The following PSMD1 variants were observed in gnomAD, a reference collection of about 807,000 sequenced individuals.
PSMD1 encodes 26S proteasome non-ATPase regulatory subunit 1.
A neutral mutation model predicts 119.0 loss-of-function variants in PSMD1; 18 were observed. The ratio of observed to expected loss-of-function variants is 0.15; its 90% CI spans 0.10 to 0.22. The LOEUF is 0.22. Ranked by LOEUF, PSMD1 falls within the 10% of genes least tolerant of loss-of-function variation. The pLI is 1.00. For synonymous variants in PSMD1, 374 were observed against 396.6 expected, an observed-to-expected ratio of 0.94 and a Z score of 0.68; for missense variants, 702 against 1,158.5, an observed-to-expected ratio of 0.61 and a Z score of 5.72.
intron 16 of PSMD1, among the ~76,000 whole-genome samples, chr2:231,122,790 T>TA (rs1315441756): frequency 6.6e-6 from 1 of 152,050 alleles, no homozygotes; most frequent in East Asian, 1.9e-4. Flanking sequence ...CCATATATCA[T>TA]AAAAAAATTG....
intron 23 of PSMD1, among the ~76,000 whole-genome samples, chr2:231,168,992 C>A (rs556929534): frequency 9.9e-5 from 15 of 152,270 alleles, no homozygotes; most frequent in Non-Finnish European, 1.6e-4. Context: ...TTGCCTATAT[C>A]TACAGTTGTA....
chr2:231,157,430 CT>C (rs756874279), intron 19 of PSMD1, among the ~76,000 whole-genome samples: 172 of 128,858 alleles, frequency 1.3e-3, no homozygotes, highest in East Asian at 3.5e-3. Context: ...TTTTCTTTTT[CT>C]TTTTTTTTTT....
intron 16 of PSMD1, chr2:231,113,626 A>G (rs900570118): frequency 4.1e-6 from 4 of 982,050 alleles, no homozygotes; most frequent in Non-Finnish European, 6.6e-6. Context: ...GGCTGGCTTG[A>G]CCTCTCATGC....
At chr2:231,124,335 G>A (rs1006228293) in intron 16 of PSMD1, among the ~76,000 whole-genome samples, 1 of 152,096 alleles carries the variant, frequency 6.6e-6, no homozygotes, top group Non-Finnish European at 1.5e-5. Context: ...ATAATAAAAA[G>A]TTAGGTGTTT....
chr2:231,132,205 G>A (rs924395375), intron 16 of PSMD1, among the ~76,000 whole-genome samples: 1 of 152,168 alleles, frequency 6.6e-6, no homozygotes, highest in Non-Finnish European at 1.5e-5. Flanking sequence ...AAGAACTTGA[G>A]TTTTGTGGTT....
intron 16 of PSMD1, among the ~76,000 whole-genome samples, chr2:231,116,588 G>A (rs1283166429): frequency 2.0e-5 from 3 of 151,898 alleles, no homozygotes; most frequent in African/African-American, 7.3e-5. Flanking sequence ...AAAAGTACGT[G>A]TCTTTGGAAT....
chr2:231,087,012 A>G, intron 15 of PSMD1, 105 bp from the exon 16 acceptor site: 1 of 777,158 alleles, frequency 1.3e-6, no homozygotes, highest in South Asian at 1.6e-5. Context: ...TATACCTATC[A>G]GTAGTGAGGT....
In PSMD1 at chr2:231,161,499, A is replaced by G. The variant is rs929912281; in HGVS notation, c.2378A>G (p.Lys793Arg). ...CCTACCTGTGTCATTGGCCTTAACA[A>G]GGACTTAAAGGTATGTCTGTGAGAC... ...YTPTCVIGLNKDLKMPKVQYK... is the reference protein window; with the variant it reads ...YTPTCVIGLNRDLKMPKVQYK... The change falls in exon 20 of 25, where the codon AAG becomes AGG. Residue 793 changes from lysine to arginine, a missense_variant. Around this residue, in one of 9 missense-constraint regions of PSMD1, gnomAD observed 152 missense variants for 239.3 expected, o/e 0.64. Coordinates refer to ENST00000308696, the MANE Select transcript of PSMD1 (RefSeq NM_002807.4). 4 of 1,613,494 alleles carry G rather than the reference A, an allele frequency of 2.5e-6. No individual in the cohort carries two copies. In the African/African-American group the frequency reaches 4.0e-5, roughly 16 times the overall value.
chr2:231,092,323 G>GT (rs1694616175), intron 16 of PSMD1, among the ~76,000 whole-genome samples: 3 of 152,106 alleles, frequency 2.0e-5, no homozygotes, highest in Admixed American at 1.3e-4. Context: ...ACCTGTCCCT[G>GT]CACTCGGGTC....
At chr2:231,102,379 C>G (rs1159615413) in intron 16 of PSMD1, among the ~76,000 whole-genome samples, 1 of 152,176 alleles carries the variant, frequency 6.6e-6, no homozygotes, top group Non-Finnish European at 1.5e-5. Context: ...ACTGACCCCA[C>G]AACTCTTACA....
intron 8 of PSMD1, among the ~76,000 whole-genome samples, chr2:231,076,056 T>C (rs1559220593): frequency 6.6e-6 from 1 of 152,196 alleles, no homozygotes; most frequent in Non-Finnish European, 1.5e-5. Flanking sequence ...AAGATTAAAG[T>C]TTTAAAAATT....
intron 16 of PSMD1, among the ~76,000 whole-genome samples, chr2:231,133,905 A>G (rs1447740316): frequency 1.3e-5 from 2 of 152,252 alleles, no homozygotes; most frequent in African/African-American, 4.8e-5. Context: ...TGACTTATGC[A>G]TATGCCCTTG....
intron 16 of PSMD1, chr2:231,108,357 T>C (rs1160970993): frequency 1.6e-6 from 1 of 611,800 alleles, no homozygotes; most frequent in Non-Finnish European, 2.8e-6. Context: ...AATAATCTTG[T>C]CCAAATTAGG....
At chr2:231,068,832 C>G (rs1574705679) in intron 5 of PSMD1, among the ~76,000 whole-genome samples, 1 of 152,206 alleles carries the variant, frequency 6.6e-6, no homozygotes, top group African/African-American at 2.4e-5. Flanking sequence ...TAAAGAGAAG[C>G]CTTAAACTGC....
At chr2:231,060,073 A>G (rs1473137806) in intron 1 of PSMD1, among the ~76,000 whole-genome samples, 1 of 152,166 alleles carries the variant, frequency 6.6e-6, no homozygotes, top group Non-Finnish European at 1.5e-5. Context: ...GTTATTTAAG[A>G]TCTGTTCTAC....
chr2:231,104,994 T>A (rs923351401), intron 16 of PSMD1, among the ~76,000 whole-genome samples: 1 of 152,190 alleles, frequency 6.6e-6, no homozygotes, highest in African/African-American at 2.4e-5. Context: ...TCATAATTTT[T>A]AAAAACTTCT....
intron 16 of PSMD1, among the ~76,000 whole-genome samples, chr2:231,121,085 T>C (rs1695524413): frequency 6.6e-6 from 1 of 152,238 alleles, no homozygotes; most frequent in Admixed American, 6.5e-5. Context: ...TCATAGAAAT[T>C]GAATTATGCT....
intron 15 of PSMD1, among the ~76,000 whole-genome samples, chr2:231,086,105 A>G (rs146530373): frequency 1.6e-3 from 242 of 152,108 alleles, no homozygotes; most frequent in African/African-American, 5.5e-3. Flanking sequence ...CAGTAGCACA[A>G]TCACAGCTCA....
chr2:231,085,301 A>C (rs1052156331), intron 15 of PSMD1, among the ~76,000 whole-genome samples, 187 bp downstream of exon 15: 6 of 152,338 alleles, frequency 3.9e-5, no homozygotes, highest in Non-Finnish European at 8.8e-5. Flanking sequence ...TCAGAAGGAT[A>C]TGGGATGGGA....
Sources: gnomAD v4.1 joint callset for allele counts (sites outside exome capture counted in the v4.1 genomes callset) on GRCh38, gnomAD v4.1.1 for gene constraint, gnomAD v4.1.1 regional missense constraint, MANE v1.5 for transcripts, NCBI Gene and HGNC (gene_info 2026-07-23, HGNC 2026-07-21) for gene names.